The following KIT variants were observed in gnomAD, a reference collection of about 807,000 sequenced individuals.
The protein encoded by KIT is mast/stem cell growth factor receptor Kit.
In KIT, 16 loss-of-function variants were observed where a neutral mutation model predicts 105.7. That is an observed-to-expected ratio of 0.15 (90% CI 0.10 to 0.23). The LOEUF (loss-of-function observed/expected upper bound fraction) is 0.23. KIT is among the 10% of genes least tolerant of loss of function. The probability of loss-of-function intolerance (pLI) is 1.00; values close to 1 mark genes in which losing one functional copy is unlikely to be tolerated. For missense variants in KIT, 858 were observed against 1,213.8 expected, an observed-to-expected ratio of 0.71 and a Z score of 4.36; for synonymous variants, 438 against 441.1, an observed-to-expected ratio of 0.99 and a Z score of 0.09.
intron 7 of KIT, among the ~76,000 whole-genome samples, chr4:54,723,332 G>T (rs1345671865): frequency 6.6e-6 from 1 of 152,140 alleles, no homozygotes; most frequent in Non-Finnish European, 1.5e-5. Flanking sequence ...CCCTGCAGTT[G>T]GCCCTGCCAC....
At chr4:54,670,003 C>G (rs561342847) in intron 1 of KIT, among the ~76,000 whole-genome samples, 1 of 152,264 alleles carries the variant, frequency 6.6e-6, no homozygotes, top group African/African-American at 2.4e-5. Context: ...AGCACCAGCT[C>G]CATCCCACCA....
At chr4:54,664,947 C>A (rs1717578305) in intron 1 of KIT, among the ~76,000 whole-genome samples, 4 of 151,064 alleles carry the variant, frequency 2.6e-5, no homozygotes, top group Admixed American at 2.6e-4. Flanking sequence ...CCTTAATCAT[C>A]TTTAAATGTA....
At chr4:54,676,008 CA>C (rs1444791382) in intron 1 of KIT, among the ~76,000 whole-genome samples, 4 of 152,196 alleles carry the variant, frequency 2.6e-5, no homozygotes, top group Non-Finnish European at 4.4e-5. Flanking sequence ...CAAAGCTTGT[CA>C]GGGGGACCCA....
At chr4:54,720,374 C>A (rs1319492223) in intron 7 of KIT, among the ~76,000 whole-genome samples, 1 of 152,160 alleles carries the variant, frequency 6.6e-6, no homozygotes, top group Non-Finnish European at 1.5e-5. Context: ...CACATGGGAA[C>A]AAGTAGGCCA....
chr4:54,736,911 A>G (rs1007127861), intron 19 of KIT, 91 bp downstream of exon 19: 3 of 934,262 alleles, frequency 3.2e-6, no homozygotes, highest in Non-Finnish European at 5.2e-6. Context: ...GGTTTTCATA[A>G]CACAGTTTGA....
chr4:54,678,449 A>G (rs1718675280), intron 1 of KIT, among the ~76,000 whole-genome samples: 1 of 148,476 alleles, frequency 6.7e-6, no homozygotes. Context: ...TCTTGCTGTC[A>G]AGTGCAGTAA....
At chr4:54,732,406 C>G (rs905135362) in intron 16 of KIT, among the ~76,000 whole-genome samples, 5 of 151,934 alleles carry the variant, frequency 3.3e-5, no homozygotes, top group African/African-American at 9.7e-5. Flanking sequence ...AAGTTAGATC[C>G]AAATATTATA....
intron 15 of KIT, 144 bp from the exon 16 acceptor site, chr4:54,731,727 T>A: frequency 1.2e-6 from 1 of 852,618 alleles, no homozygotes; most frequent in East Asian, 2.5e-5. Flanking sequence ...AGCATCTACC[T>A]TTCCTGGACA....
In KIT at chr4:54,740,187, G is replaced by A. The variant is rs140416206; in HGVS notation, c.*1630G>A. ...AGACTACATTTAGAGAACTGTGGCC[G>A]TTATCTGGAAGTAACCATTTGCACT... On this transcript the variant is annotated 3_prime_UTR_variant, in exon 21 of 21. Coordinates refer to ENST00000288135, the MANE Select transcript of KIT (RefSeq NM_000222.3). The A allele has an allele frequency of 7.7e-5, 18 of 233,540 alleles. No individual in the cohort carries two copies. Among genetic ancestry groups the A allele is most frequent in the East Asian group, 3.6e-4 (6 of 16,562 alleles). 14.5% of individuals were successfully genotyped at this position (233,540 alleles called of 1,614,324 possible). A position where few individuals can be genotyped will look rare whatever the true frequency, so the allele number is the denominator to read the frequency against.
At chr4:54,675,494 G>A (rs976679573) in intron 1 of KIT, among the ~76,000 whole-genome samples, 2 of 152,210 alleles carry the variant, frequency 1.3e-5, no homozygotes, top group African/African-American at 4.8e-5. Context: ...AAATTGACCA[G>A]CAAGCGTTCT....
chr4:54,677,324 A>G (rs1718552414), intron 1 of KIT, among the ~76,000 whole-genome samples: 1 of 151,942 alleles, frequency 6.6e-6, no homozygotes. Context: ...ACTATGGGAA[A>G]GGCAGGTCCC....
intron 7 of KIT, among the ~76,000 whole-genome samples, chr4:54,713,134 T>C (rs755232919): frequency 2.0e-5 from 3 of 152,058 alleles, no homozygotes; most frequent in Non-Finnish European, 2.9e-5. Context: ...ATTTCAATAG[T>C]TTTTGGGGAA....
At chr4:54,721,450 C>T (rs1021009823) in intron 7 of KIT, among the ~76,000 whole-genome samples, 3 of 152,240 alleles carry the variant, frequency 2.0e-5, no homozygotes, top group African/African-American at 4.8e-5. Flanking sequence ...TGGATGCTTT[C>T]GCAAGACGAT....
intron 1 of KIT, among the ~76,000 whole-genome samples, chr4:54,661,644 GTT>G (rs1204063723): frequency 6.6e-6 from 1 of 152,216 alleles, no homozygotes; most frequent in Non-Finnish European, 1.5e-5. Flanking sequence ...ACTTTTAAAA[GTT>G]GAGATTGAAT....
At chr4:54,729,706 C>T (rs1722470908) in intron 14 of KIT, among the ~76,000 whole-genome samples, 1 of 152,144 alleles carries the variant, frequency 6.6e-6, no homozygotes, top group Admixed American at 6.5e-5. Flanking sequence ...AATGTATTTT[C>T]AGTTTTCTTC....
intron 1 of KIT, among the ~76,000 whole-genome samples, chr4:54,685,068 G>C (rs1360686228): frequency 6.6e-6 from 1 of 152,150 alleles, no homozygotes; most frequent in African/African-American, 2.4e-5. Flanking sequence ...CCTGTGCACT[G>C]TCTGATCTGG....
At chr4:54,728,167 A>G (rs1208007281) in intron 13 of KIT, 46 bp downstream of exon 13, 5 of 1,334,198 alleles carry the variant, frequency 3.7e-6, no homozygotes, top group East Asian at 2.3e-5. Context: ...CAGGTTATCA[A>G]AACATGACAT....
At chr4:54,707,006 C>G (rs1344070026) in intron 5 of KIT, 92 bp from the exon 6 acceptor site, 1 of 723,168 alleles carries the variant, frequency 1.4e-6, no homozygotes, top group Admixed American at 2.6e-5. Flanking sequence ...GGAAATCAAC[C>G]AATTGTTTTT....
At chr4:54,664,322 G>A (rs990196992) in intron 1 of KIT, among the ~76,000 whole-genome samples, 1 of 152,138 alleles carries the variant, frequency 6.6e-6, no homozygotes, top group Non-Finnish European at 1.5e-5. Flanking sequence ...CAAGGAGCAT[G>A]GAGGGAATGT....
Sources: allele counts gnomAD v4.1 joint callset (sites outside exome capture counted in the v4.1 genomes callset), GRCh38; gene constraint gnomAD v4.1.1; transcripts MANE v1.5; gene names NCBI Gene and HGNC (gene_info 2026-07-23, HGNC 2026-07-21).